Variants in STK3 observed in about 807,000 individuals in gnomAD.
STK3 encodes the protein serine/threonine-protein kinase 3.
A neutral mutation model predicts 58.0 loss-of-function variants in STK3; 41 were observed. The observed-to-expected ratio is 0.71, with a 90% confidence interval of 0.55 to 0.92. The LOEUF is 0.92. STK3 is among the 40% of genes least tolerant of loss of function. The probability of loss-of-function intolerance (pLI) is 0.00; values close to 1 mark genes in which losing one functional copy is unlikely to be tolerated. For missense variants in STK3, 479 were observed against 602.7 expected, an observed-to-expected ratio of 0.79 and a Z score of 2.15; for synonymous variants, 170 against 191.0, an observed-to-expected ratio of 0.89 and a Z score of 0.91.
chr8:98,818,859 C>T (rs913432367), intron 1 of STK3, among the ~76,000 whole-genome samples: 2 of 152,028 alleles, frequency 1.3e-5, no homozygotes, highest in Non-Finnish European at 2.9e-5. Context: ...GAGTCTCTGT[C>T]GCCCAGGCTG....
chr8:98,733,803 C>T (rs961243794), intron 4 of STK3, among the ~76,000 whole-genome samples: 1 of 152,018 alleles, frequency 6.6e-6, no homozygotes, highest in Non-Finnish European at 1.5e-5. Flanking sequence ...CAGCACTGGG[C>T]CTAAATCAAT....
At chr8:98,446,512 G>A (rs1818955690) in intron 1 of STK3, among the ~76,000 whole-genome samples, 1 of 152,016 alleles carries the variant, frequency 6.6e-6, no homozygotes, top group Non-Finnish European at 1.5e-5. Flanking sequence ...TGATAAAGAA[G>A]GTAAGACTTC....
intron 8 of STK3, among the ~76,000 whole-genome samples, chr8:98,576,059 T>C (rs1813371854): frequency 6.6e-6 from 1 of 152,144 alleles, no homozygotes; most frequent in South Asian, 2.1e-4. Flanking sequence ...TCAGATCTTA[T>C]ACTAAAAGGC....
intron 1 of STK3, among the ~76,000 whole-genome samples, chr8:98,815,373 A>G (rs1162879278): frequency 2.0e-5 from 3 of 152,210 alleles, no homozygotes; most frequent in Non-Finnish European, 2.9e-5. Flanking sequence ...AAATAACAGG[A>G]TATTAGTTAT....
At chr8:98,393,722 TG>T (rs1286447955) in intron 3 of STK3, 7 of 151,858 alleles carry the variant, frequency 4.6e-5, no homozygotes, top group Non-Finnish European at 1.0e-4. Flanking sequence ...TCCAGTAGGC[TG>T]GGGAACCAGA....
At chr8:98,735,778 T>C (rs1441857504) in intron 4 of STK3, among the ~76,000 whole-genome samples, 3 of 152,160 alleles carry the variant, frequency 2.0e-5, no homozygotes, top group Non-Finnish European at 4.4e-5. Context: ...CTCTACCCTT[T>C]ACAACTCAGA....
chr8:98,571,380 A>G (rs1019819733), intron 8 of STK3, among the ~76,000 whole-genome samples: 4 of 152,106 alleles, frequency 2.6e-5, no homozygotes, highest in Non-Finnish European at 5.9e-5. Context: ...AACAGGGGTA[A>G]GGGGAAAGAG....
the STK3 span, among the ~76,000 whole-genome samples, chr8:98,344,446 G>A: frequency 6.6e-6 from 1 of 152,200 alleles, no homozygotes; most frequent in African/African-American, 2.4e-5. Flanking sequence ...GAGAAGGAGG[G>A]GACAATACAT....
intron 1 of STK3, among the ~76,000 whole-genome samples, chr8:98,806,953 A>G (rs541806438): frequency 6.6e-6 from 1 of 152,070 alleles, no homozygotes; most frequent in Admixed American, 6.5e-5. Context: ...AGGAGATCGA[A>G]ACCATCCTGG....
chr8:98,408,588 A>C (rs887509604), intron 3 of STK3, among the ~76,000 whole-genome samples: 1 of 152,228 alleles, frequency 6.6e-6, no homozygotes, highest in South Asian at 2.1e-4. Context: ...GGAAGACTCA[A>C]TGATTAAAAT....
chr8:98,390,492 G>C (rs181498556), upstream of STK3, among the ~76,000 whole-genome samples: 1 of 152,218 alleles, frequency 6.6e-6, no homozygotes, highest in East Asian at 1.9e-4. Context: ...ATTATGAAGT[G>C]GCTGGGTATG....
intron 4 of STK3, among the ~76,000 whole-genome samples, chr8:98,733,955 T>G (rs1186603102): frequency 6.6e-6 from 1 of 152,144 alleles, no homozygotes; most frequent in Non-Finnish European, 1.5e-5. Context: ...TTCCACAGGC[T>G]GTACAGGAGG....
rs141882203 is a variant in STK3 at position 98,428,899 on chromosome 8, A to G, written n.483+5228T>C. The stretch of plus-strand genomic sequence containing the variant: ...CTGATGCGGATCTTCCGCATCTTAA[A>G]GCTGGCCAGGCACTCCACTGGCCTC... On this transcript the variant is annotated intron_variant and non_coding_transcript_variant, in intron 3 of 3. Transcript: ENST00000517832. The surrounding 1 kb of genome is among the most constrained non-coding windows in gnomAD (Gnocchi z 6.7). 6.2e-7 allele frequency: 1 copy of G among 1,614,188 alleles called. No individual in the cohort carries two copies. Among genetic ancestry groups the G allele is most frequent in the African/African-American group, 1.3e-5 (1 of 75,048 alleles).
chr8:98,469,725 G>C (rs1820775200), intron 10 of STK3, among the ~76,000 whole-genome samples: 1 of 152,140 alleles, frequency 6.6e-6, no homozygotes, highest in Non-Finnish European at 1.5e-5. Context: ...TGAAATTTCA[G>C]TTCAGTCTTA....
intron 9 of STK3, among the ~76,000 whole-genome samples, chr8:98,546,727 T>A (rs189213856): frequency 7.9e-5 from 12 of 152,168 alleles, no homozygotes; most frequent in Admixed American, 2.0e-4. Context: ...CAGCTAGGAA[T>A]TTCAGGAAAT....
intron 1 of STK3, among the ~76,000 whole-genome samples, chr8:98,891,020 A>G (rs1391974792): frequency 6.6e-6 from 1 of 152,246 alleles, no homozygotes; most frequent in Non-Finnish European, 1.5e-5. Flanking sequence ...CCTTCTACTC[A>G]GTTAACAGGG....
chr8:98,419,126 C>T (rs889452312), intron 3 of STK3, among the ~76,000 whole-genome samples: 2 of 152,062 alleles, frequency 1.3e-5, no homozygotes, highest in Admixed American at 1.3e-4. Context: ...TTTGGGGGGC[C>T]GAAGCAGGAG....
chr8:98,779,741 C>CTTTTTTACAGCTGCATCCTA (rs1554675306), intron 1 of STK3, among the ~76,000 whole-genome samples: 1 of 152,104 alleles, frequency 6.6e-6, no homozygotes, highest in African/African-American at 2.4e-5. Context: ...CATCAATGTT[C>CTTTTTTACAGCTGCATCCTA]TTTTTTACAG....
chr8:98,645,599 T>C (rs1051413920), intron 6 of STK3, among the ~76,000 whole-genome samples: 8 of 152,170 alleles, frequency 5.3e-5, no homozygotes, highest in Non-Finnish European at 7.4e-5. Context: ...CATAATGACA[T>C]ACCTCTAAAC....
Sources: allele counts gnomAD v4.1 joint callset (sites outside exome capture counted in the v4.1 genomes callset), GRCh38; gene constraint gnomAD v4.1.1; non-coding constraint Gnocchi (gnomAD v3.1); transcripts MANE v1.5; gene names NCBI Gene and HGNC (gene_info 2026-07-23, HGNC 2026-07-21).